Variants in ERCC6L2 observed in about 807,000 individuals in gnomAD.
The protein encoded by ERCC6L2 is DNA excision repair protein ERCC-6-like 2.
ERCC6L2 carries 77 observed loss-of-function variants against 132.0 expected under a neutral mutation model. That is an observed-to-expected ratio of 0.58 (90% CI 0.49 to 0.71). The LOEUF (loss-of-function observed/expected upper bound fraction) is 0.71, where lower values mean the gene tolerates loss of function less well. Ranked by LOEUF, ERCC6L2 falls within the 30% of genes least tolerant of loss-of-function variation. The pLI, the probability that ERCC6L2 is intolerant of heterozygous loss-of-function variation, is 0.00. For missense variants in ERCC6L2, 1,542 were observed against 1,837.6 expected (o/e 0.84, Z 2.94); for synonymous variants, 583 against 632.4 (o/e 0.92, Z 1.17).
Position 96,012,263 on chromosome 9 carries a change from C to T in ERCC6L2, c.3713C>T (p.Ser1238Phe), listed in dbSNP as rs774505508. The T allele has an allele frequency of 2.3e-6, 3 of 1,296,670 alleles. No homozygotes were observed. The highest frequency in any genetic ancestry group is 3.1e-6 in the Non-Finnish European group (3 of 982,448). The allele number at this position is 1,296,670 out of a possible 1,614,324, so 80.3% of individuals were successfully genotyped here. Residue 1238 changes from serine (S) to phenylalanine (F), a missense_variant, in exon 19 of 19, where the codon TCT becomes TTT. Physicochemically the swap from Ser to Phe is radical, Grantham distance 155. Coordinates refer to ENST00000653738, the MANE Select transcript of ERCC6L2 (RefSeq NM_020207.7). Reference protein sequence around the residue: ...FEEMASYFNSSSVNEFAKHIT... With the variant: ...FEEMASYFNSFSVNEFAKHIT... Reference sequence around the variant, plus strand: ...GAAATGGCCTCTTATTTTAACTCGTCTTCTGTAAACGAATTTGCTAAACAT... The same window carrying T: ...GAAATGGCCTCTTATTTTAACTCGTTTTCTGTAAACGAATTTGCTAAACAT...
Position 95,881,148 on chromosome 9 carries a change from C to A in ERCC6L2, c.326C>A (p.Ser109Tyr). ...TCATCTTCTGTTGCTTTTAAATTAT[C>A]TGACAATGGAGACTCTATTCCTTAT... The part of the protein sequence containing the change: ...FPSSSVAFKL[S>Y]DNGDSIPYTI... Residue 109 changes from serine (S) to tyrosine (Y), a missense_variant, in exon 2 of 19, where the codon TCT becomes TAT. Physicochemically the swap from Ser to Tyr is moderately radical, Grantham distance 144. Transcript: ENST00000653738. 6.2e-7 allele frequency: 1 copy of A among 1,613,718 alleles called. No individual in the cohort carries two copies. The highest frequency in any genetic ancestry group is 2.2e-5 in the East Asian group (1 of 44,860).
At chr9:95,884,325 G>A (rs1460105958) in intron 2 of ERCC6L2, among the ~76,000 whole-genome samples, 1 of 152,108 alleles carries the variant, frequency 6.6e-6, no homozygotes, top group Non-Finnish European at 1.5e-5. Context: ...TTAAGGTAGA[G>A]CTTCTATAGA....
chr9:95,884,308 G>C (rs1054930961), intron 2 of ERCC6L2, among the ~76,000 whole-genome samples: 2 of 152,124 alleles, frequency 1.3e-5, no homozygotes, highest in African/African-American at 4.8e-5. Context: ...TGGTTTGAAA[G>C]ACCCATTTAA....
At chr9:95,950,934 A>G (rs561087597) in intron 12 of ERCC6L2, among the ~76,000 whole-genome samples, 113 of 152,318 alleles carry the variant, frequency 7.4e-4, no homozygotes, top group African/African-American at 2.5e-3. Flanking sequence ...CAGAAGATCA[A>G]TAAGTAAGGA....
intron 2 of ERCC6L2, among the ~76,000 whole-genome samples, chr9:95,890,317 A>G (rs190037878): frequency 1.3e-5 from 2 of 152,316 alleles, no homozygotes; most frequent in East Asian, 1.9e-4. Context: ...GCCAGGCTCT[A>G]TGATAAACAT....
intron 2 of ERCC6L2, among the ~76,000 whole-genome samples, chr9:95,892,338 G>C (rs1345481167): frequency 6.6e-6 from 1 of 150,402 alleles, no homozygotes; most frequent in Admixed American, 6.7e-5. Context: ...ATAGCAAATA[G>C]TGAATATCTG....
At chr9:96,036,358 A>G (rs1286453246) in intron 19 of ERCC6L2, among the ~76,000 whole-genome samples, 5 of 152,222 alleles carry the variant, frequency 3.3e-5, no homozygotes, top group Non-Finnish European at 5.9e-5. Flanking sequence ...TCCATGTCAT[A>G]GCATATTTTG....
chr9:95,983,286 T>G (rs193046155), intron 17 of ERCC6L2, among the ~76,000 whole-genome samples: 75 of 152,336 alleles, frequency 4.9e-4, no homozygotes, highest in African/African-American at 1.8e-3. Flanking sequence ...AATTATAAGC[T>G]AATTTAAAAA....
chr9:95,954,082 A>G (rs190292705), intron 12 of ERCC6L2, among the ~76,000 whole-genome samples: 33 of 152,268 alleles, frequency 2.2e-4, no homozygotes, highest in Admixed American at 1.4e-3. Context: ...TATTATACCC[A>G]TTTTACATAT....
chr9:95,924,741 AAT>A (rs1830030280), intron 9 of ERCC6L2, among the ~76,000 whole-genome samples: 1 of 152,116 alleles, frequency 6.6e-6, no homozygotes, highest in Non-Finnish European at 1.5e-5. Context: ...CCCTAGGAAT[AAT>A]AGTGTCTGAT....
At chr9:95,985,591 T>C (rs1833065467) in intron 17 of ERCC6L2, among the ~76,000 whole-genome samples, 1 of 152,224 alleles carries the variant, frequency 6.6e-6, no homozygotes, top group African/African-American at 2.4e-5. Context: ...CAGAAAGATA[T>C]TCCTGGAACC....
intron 17 of ERCC6L2, among the ~76,000 whole-genome samples, chr9:95,993,435 G>T (rs1197368302): frequency 6.6e-6 from 1 of 152,102 alleles, no homozygotes; most frequent in Admixed American, 6.5e-5. Context: ...CTATGGTCTC[G>T]CTTGGCCCTT....
chr9:95,957,281 T>C (rs938154943), intron 13 of ERCC6L2, among the ~76,000 whole-genome samples: 2 of 152,176 alleles, frequency 1.3e-5, no homozygotes, highest in African/African-American at 2.4e-5. Flanking sequence ...ATCTGCCACA[T>C]GTGTTGGTAG....
In ERCC6L2 at chr9:95,988,877, A is replaced by G. The variant is rs188836167; in HGVS notation, c.3492+10662A>G. ...AGACTACCTACAGCTTGTCAGTCAC[A>G]AGACCCAGTTTGTTTTACCTGTGCT... On this transcript the variant is annotated intron_variant, in intron 17 of 18. Transcript: ENST00000653738. Among the ~76,000 whole-genome samples the G allele has an allele frequency of 1.1e-3, 165 of 152,366 alleles. 1 individual carries two copies. The highest frequency in any genetic ancestry group is 3.8e-3 in the African/African-American group (157 of 41,596).
chr9:95,978,046 TA>T lies in ERCC6L2; in HGVS notation c.3338-12del, dbSNP rs1338978790. ...ATACTGATACATCACTTAATAAACA[TA>T]AATTACCTCCTAGATGGCGTTCAGG... On this transcript the variant is annotated splice_polypyrimidine_tract_variant and intron_variant, in intron 16 of 18. Coordinates refer to ENST00000653738, the MANE Select transcript of ERCC6L2 (RefSeq NM_020207.7). 1 of 1,356,734 alleles carries T rather than the reference TA, an allele frequency of 7.4e-7. No homozygotes were observed. The highest frequency in any genetic ancestry group is 1.5e-5 in the African/African-American group (1 of 67,306). 84.0% of individuals were successfully genotyped at this position (1,356,734 alleles called of 1,614,324 possible). A position where few individuals can be genotyped will look rare whatever the true frequency, so the allele number is the denominator to read the frequency against.
At position 96,013,156 on chromosome 9, in the gene ERCC6L2, C is replaced by T; in HGVS notation, c.4606C>T (p.Pro1536Ser). 1 of 1,366,458 alleles carries T rather than the reference C, an allele frequency of 7.3e-7. No individual in the cohort carries two copies. Among genetic ancestry groups the T allele is most frequent in the South Asian group, 1.1e-5 (1 of 87,974 alleles). The allele number at this position is 1,366,458 out of a possible 1,614,324, so 84.6% of individuals were successfully genotyped here. ...NEKFLWKKFS[P>S]SDTDENATNT... ...GAAATTTTTATGGAAGAAATTTAGC[C>T]CAAGTGATACAGATGAAAACGCAAC... The change falls in exon 19 of 19, where the codon CCA becomes TCA. Residue 1536 changes from proline (P) to serine (S), a missense_variant. This residue lies in a region of ERCC6L2 where 442 missense variants were observed against 583.4 expected (regional missense o/e 0.76). Transcript: ENST00000653738.
At chr9:95,943,066 T>C (rs1247088107) in intron 12 of ERCC6L2, among the ~76,000 whole-genome samples, 1 of 152,138 alleles carries the variant, frequency 6.6e-6, no homozygotes, top group African/African-American at 2.4e-5. Context: ...TTTATATGGC[T>C]ATATGTGAAA....
chr9:95,943,520 A>C (rs1830904523), intron 12 of ERCC6L2, among the ~76,000 whole-genome samples: 1 of 152,180 alleles, frequency 6.6e-6, no homozygotes, highest in East Asian at 1.9e-4. Flanking sequence ...CGTTTTAAAA[A>C]ACACCCAGGT....
At position 96,034,914 on chromosome 9, in the gene ERCC6L2, A is replaced by G. The variant is rs148764172; in HGVS notation, c.*1504-3962A>G. Reference sequence around the variant, plus strand: ...GCTGTAGACCTGGGCCACCCACTCCATGGAGCAGGCAGGAGCCCTGCCCCT... The same window carrying G: ...GCTGTAGACCTGGGCCACCCACTCCGTGGAGCAGGCAGGAGCCCTGCCCCT... On this transcript the variant is annotated intron_variant and NMD_transcript_variant, in intron 19 of 20. Coordinates refer to the ERCC6L2 transcript ENST00000670016. 1.8e-3 allele frequency among the ~76,000 whole-genome samples: 269 copies of G among 152,096 alleles called. 1 individual carries two copies. The highest frequency in any genetic ancestry group is 6.3e-3 in the African/African-American group (260 of 41,500).
Sources: allele counts gnomAD v4.1 joint callset (sites outside exome capture counted in the v4.1 genomes callset), GRCh38; gene constraint gnomAD v4.1.1; regional missense constraint gnomAD v4.1.1; transcripts MANE v1.5; gene names NCBI Gene and HGNC (gene_info 2026-07-23, HGNC 2026-07-21).